Variants in ROBO2 observed in about 807,000 individuals in gnomAD.
ROBO2 encodes roundabout guidance receptor 2, also known as roundabout homolog 2.
Under a neutral mutation model 160.8 loss-of-function variants are expected in ROBO2, and 53 were observed. The observed-to-expected ratio is 0.33, with a 90% CI of 0.26 to 0.41. The LOEUF (loss-of-function observed/expected upper bound fraction) is 0.41, where lower values mean the gene tolerates loss of function less well. Among genes scored for constraint, ROBO2 ranks in the 10% least tolerant of loss-of-function variants. The pLI, the probability that ROBO2 is intolerant of heterozygous loss-of-function variation, is 1.00. For synonymous variants in ROBO2, 664 were observed against 611.7 expected (o/e 1.09, Z -1.26); for missense variants, 1,577 against 1,722.4 (o/e 0.92, Z 1.49).
At chr3:76,879,519 T>C (rs2073126880) in intron 2 of ROBO2, among the ~76,000 whole-genome samples, 1 of 151,966 alleles carries the variant, frequency 6.6e-6, no homozygotes, top group African/African-American at 2.4e-5. Context: ...AATTTAAACA[T>C]CAATCGACCA....
intron 2 of ROBO2, among the ~76,000 whole-genome samples, chr3:76,431,028 C>A (rs2076413996): frequency 6.6e-6 from 1 of 151,914 alleles, no homozygotes; most frequent in Admixed American, 6.6e-5. Flanking sequence ...AACAGTACAA[C>A]TATGTTATAA....
intron 2 of ROBO2, among the ~76,000 whole-genome samples, chr3:76,928,060 G>A (rs548993858): frequency 6.6e-6 from 1 of 152,258 alleles, no homozygotes; most frequent in East Asian, 1.9e-4. Flanking sequence ...ATGGCAAAGA[G>A]CAATTAAGGT....
intron 2 of ROBO2, among the ~76,000 whole-genome samples, chr3:77,364,718 A>G (rs1306666245): frequency 6.6e-6 from 1 of 152,204 alleles, no homozygotes; most frequent in Admixed American, 6.6e-5. Flanking sequence ...TTTTGAGAGT[A>G]TTTAATTAGA....
intron 2 of ROBO2, among the ~76,000 whole-genome samples, chr3:76,134,211 A>G (rs2071340331): frequency 6.6e-6 from 1 of 152,122 alleles, no homozygotes; most frequent in South Asian, 2.1e-4. Flanking sequence ...ACTAAAAGAC[A>G]CGAGGAATTT....
chr3:77,448,767 G>GT (rs1208429823), intron 2 of ROBO2, among the ~76,000 whole-genome samples: 1 of 99,342 alleles, frequency 1.0e-5, no homozygotes, highest in Admixed American at 9.3e-5. Flanking sequence ...ACTTTTGCCT[G>GT]TAAGAGTCAC....
chr3:77,510,945 C>T (rs2089315160), intron 5 of ROBO2, among the ~76,000 whole-genome samples: 1 of 151,984 alleles, frequency 6.6e-6, no homozygotes, highest in Non-Finnish European at 1.5e-5. Flanking sequence ...TGCATTAAGG[C>T]ATGAAGAAGA....
At chr3:75,976,097 A>T (rs866898978) in intron 2 of ROBO2, among the ~76,000 whole-genome samples, 1 of 151,634 alleles carries the variant, frequency 6.6e-6, no homozygotes, top group Non-Finnish European at 1.5e-5. Flanking sequence ...AGGAGAGAAT[A>T]GTGTCAGTAT....
intron 2 of ROBO2, among the ~76,000 whole-genome samples, chr3:77,283,315 C>T (rs901846647): frequency 3.9e-5 from 6 of 152,144 alleles, no homozygotes; most frequent in African/African-American, 7.2e-5. Context: ...TCTCACACAA[C>T]GTTACAGGCC....
chr3:76,052,463 A>T (rs2067687246), intron 2 of ROBO2, among the ~76,000 whole-genome samples: 1 of 151,934 alleles, frequency 6.6e-6, no homozygotes, highest in African/African-American at 2.4e-5. Flanking sequence ...TTCATACCCC[A>T]ATTATTTCAT....
intron 1 of ROBO2, among the ~76,000 whole-genome samples, chr3:75,923,269 TATTGTGATAG>T (rs1947144896): frequency 6.6e-6 from 1 of 152,230 alleles, no homozygotes; most frequent in African/African-American, 2.4e-5. Context: ...CAGATGCTTT[TATTGTGATAG>T]ATGAGATGAA....
In ROBO2 at chr3:76,239,571, CAT is replaced by C. The variant is rs532045150; in HGVS notation, c.109+301970_109+301971del. 8.7e-4 allele frequency among the ~76,000 whole-genome samples: 132 copies of C among 152,162 alleles called. 1 individual carries two copies. Among genetic ancestry groups the C allele is most frequent in the African/African-American group, 3.1e-3 (127 of 41,520 alleles). ...GTCGGAATTCTCTTGACCTTGGGCA[CAT>C]GTGTGTTTTATAGCACATGATCTGT... On this transcript the variant is annotated intron_variant, in intron 2 of 26. Transcript: ENST00000487694.
chr3:77,082,175 A>G (rs1360064984), intron 1 of ROBO2, among the ~76,000 whole-genome samples: 1 of 152,238 alleles, frequency 6.6e-6, no homozygotes, highest in East Asian at 1.9e-4. Context: ...TAAAGCATAG[A>G]GCAGAATCAC....
At chr3:76,223,766 G>T (rs1704122966) in intron 2 of ROBO2, among the ~76,000 whole-genome samples, 1 of 152,162 alleles carries the variant, frequency 6.6e-6, no homozygotes, top group Non-Finnish European at 1.5e-5. Flanking sequence ...CATTTGTGCA[G>T]CCCTTGATCT....
intron 20 of ROBO2, among the ~76,000 whole-genome samples, chr3:77,606,676 C>T (rs944213636): frequency 3.3e-5 from 5 of 152,150 alleles, no homozygotes; most frequent in South Asian, 2.1e-4. Flanking sequence ...TAATATTCAA[C>T]GTGGCTGATG....
chr3:76,219,391 C>G (rs1703798341), intron 2 of ROBO2, among the ~76,000 whole-genome samples: 2 of 152,248 alleles, frequency 1.3e-5, no homozygotes, highest in East Asian at 3.9e-4. Flanking sequence ...AACAGGCAAC[C>G]TACAGCATGG....
intron 2 of ROBO2, among the ~76,000 whole-genome samples, chr3:76,765,634 G>A (rs2061537559): frequency 6.6e-6 from 1 of 151,678 alleles, no homozygotes; most frequent in South Asian, 2.1e-4. Flanking sequence ...GAGGCCATCT[G>A]TAAGTGCTCC....
intron 2 of ROBO2, among the ~76,000 whole-genome samples, chr3:77,450,943 A>G (rs143740364): frequency 1.3e-5 from 2 of 151,778 alleles, no homozygotes; most frequent in East Asian, 1.9e-4. Flanking sequence ...TTGAAGGCAT[A>G]TTTGAAATTC....
chr3:76,853,872 A>G (rs2148558778), intron 2 of ROBO2, among the ~76,000 whole-genome samples: 1 of 152,208 alleles, frequency 6.6e-6, no homozygotes, highest in African/African-American at 2.4e-5. Flanking sequence ...ACATGATACA[A>G]TATCTATAAA....
At chr3:76,622,253 A>AGAAAGAAAGAAAGAAGGAAG (rs1560252432) in intron 2 of ROBO2, among the ~76,000 whole-genome samples, 1 of 57,540 alleles carries the variant, frequency 1.7e-5, no homozygotes, top group African/African-American at 7.4e-5. Context: ...AAAGAAAGAA[A>AGAAAGAAAGAAAGAAGGAAG]GAAAGAAAGA....
Sources: gnomAD v4.1 joint callset for allele counts (sites outside exome capture counted in the v4.1 genomes callset) on GRCh38, gnomAD v4.1.1 for gene constraint, MANE v1.5 for transcripts, NCBI Gene and HGNC (gene_info 2026-07-23, HGNC 2026-07-21) for gene names.